The following PDK3 variants were observed in gnomAD, a reference collection of about 807,000 sequenced individuals.
PDK3 encodes pyruvate dehydrogenase kinase 3.
Under a neutral mutation model 32.0 loss-of-function variants are expected in PDK3, and 12 were observed. The observed-to-expected ratio is 0.37, with a 90% CI of 0.24 to 0.61. The LOEUF is 0.61. Ranked by LOEUF, PDK3 falls within the 20% of genes least tolerant of loss-of-function variation. PDK3 has a pLI of 0.65. For synonymous variants in PDK3, 122 were observed against 116.3 expected (o/e 1.05, Z -0.31); for missense variants, 188 against 316.9 (o/e 0.59, Z 3.09).
intron 6 of PDK3, among the ~76,000 whole-genome samples, chrX:24,523,767 A>G (rs11094971): frequency 0.42 from 46,633 of 110,655 alleles, 7,319 homozygotes; most frequent in African/African-American, 0.54. Context: ...TCAGAGGCCC[A>G]TTTACTACCT....
chrX:24,473,491 C>T (rs1218946659), intron 1 of PDK3, among the ~76,000 whole-genome samples: 2 of 110,010 alleles, frequency 1.8e-5, no homozygotes. Context: ...GGCCAGAGTG[C>T]AACGGCTTGG....
intron 9 of PDK3, among the ~76,000 whole-genome samples, chrX:24,529,895 A>C (rs1243242751): frequency 8.9e-6 from 1 of 112,433 alleles, no homozygotes; most frequent in Non-Finnish European, 1.9e-5. Flanking sequence ...CTGTGCCTTT[A>C]CATGTGCATT....
At chrX:24,527,502 C>A (rs758000570) in intron 7 of PDK3, 72 bp from the exon 8 acceptor site, 10 of 627,837 alleles carry the variant, frequency 1.6e-5, no homozygotes, top group Non-Finnish European at 2.4e-6. Flanking sequence ...AGTCATCTTG[C>A]GCTTCTTTCT....
chrX:24,498,437 G>A (rs1230908866), intron 2 of PDK3, among the ~76,000 whole-genome samples: 2 of 111,749 alleles, frequency 1.8e-5, no homozygotes, highest in Non-Finnish European at 3.8e-5. Flanking sequence ...ACACAGCACT[G>A]CACAAAAGCA....
chrX:24,474,486 T>A (rs1316947045), intron 1 of PDK3, among the ~76,000 whole-genome samples: 1 of 109,773 alleles, frequency 9.1e-6, no homozygotes, highest in Admixed American at 9.8e-5. Context: ...CCATCTCGGC[T>A]CACTGCAACC....
chrX:24,517,627 C>G (rs1326016357), intron 5 of PDK3, among the ~76,000 whole-genome samples: 1 of 112,606 alleles, frequency 8.9e-6, no homozygotes, highest in African/African-American at 3.2e-5. Flanking sequence ...GTTTACAGTT[C>G]GAGAGAAAAG....
chrX:24,470,095 A>G (rs1226569297), intron 1 of PDK3, among the ~76,000 whole-genome samples: 1 of 111,913 alleles, frequency 8.9e-6, no homozygotes, highest in East Asian at 2.8e-4. Flanking sequence ...TCCATTTGCT[A>G]TTTGTCTGTA....
exon 12 of PDK3, chrX:24,545,898 G>A (rs1374156525): frequency 8.9e-6 from 1 of 111,970 alleles, no homozygotes; most frequent in Non-Finnish European, 1.9e-5. Context: ...TAGTACGATT[G>A]AGAGATGAGT....
In PDK3 at chrX:24,503,511, A is replaced by G. The variant is rs778417767; in HGVS notation, c.505A>G (p.Thr169Ala). The change falls in exon 4 of 11, where the codon ACA becomes GCA. Residue 169 changes from threonine (T) to alanine (A), a missense_variant and splice_region_variant. Physicochemically the swap from Thr to Ala is moderately conservative, Grantham distance 58. Transcript: ENST00000379162. ...ISFRMLINQH[T>A]LLFGGDTNPV... is the part of the protein sequence containing the mutation. ...TTTCCGCATGCTTATTAATCAGCAC[A>G]GTAAGTTGGAGTTTGTTGGTCCAGT... The G allele has an allele frequency of 1.8e-6, 2 of 1,140,075 alleles. No homozygotes were observed. Among genetic ancestry groups the G allele is most frequent in the East Asian group, 6.3e-5 (2 of 31,537 alleles). The allele number at this position is 1,140,075 out of a possible 1,213,427, so 94.0% of individuals were successfully genotyped here. A position where few individuals can be genotyped will look rare whatever the true frequency, so the allele number is the denominator to read the frequency against.
chrX:24,511,920 C>G (rs1922130511), intron 5 of PDK3, among the ~76,000 whole-genome samples: 1 of 110,595 alleles, frequency 9.0e-6, no homozygotes, highest in African/African-American at 3.3e-5. Flanking sequence ...CCTTAGATCT[C>G]TTGAGACAGA....
intron 5 of PDK3, 74 bp from the exon 6 acceptor site, chrX:24,518,837 GCACACACACACACACACACACA>G (rs3222401): frequency 1.6e-4 from 61 of 373,160 alleles, no homozygotes; most frequent in African/African-American, 1.2e-3. Flanking sequence ...ATGCACATGT[GCACACACACACACACACACACA>G]CACACACACA....
chrX:24,469,009 C>T (rs1920968272), intron 1 of PDK3, among the ~76,000 whole-genome samples: 1 of 111,604 alleles, frequency 9.0e-6, no homozygotes, highest in Non-Finnish European at 1.9e-5. Context: ...GTTTTTTGAG[C>T]TTAATACCTT....
intron 1 of PDK3, among the ~76,000 whole-genome samples, chrX:24,474,341 T>TA (rs1308459248): frequency 2.7e-5 from 3 of 111,521 alleles, no homozygotes; most frequent in African/African-American, 9.8e-5. Flanking sequence ...TCGAGGTTAT[T>TA]AAACATTATG....
At chrX:24,513,380 G>A (rs1307188843) in intron 5 of PDK3, 2 of 112,008 alleles carry the variant, frequency 1.8e-5, no homozygotes, top group Non-Finnish European at 1.9e-5. Context: ...TGGGGTGCGG[G>A]CCAGTGTTGT....
intron 3 of PDK3, among the ~76,000 whole-genome samples, chrX:24,501,444 T>A (rs1921854195): frequency 8.8e-6 from 1 of 113,016 alleles, no homozygotes; most frequent in Admixed American, 9.3e-5. Context: ...CCGGGCATGG[T>A]GGCCGACGCC....
intron 6 of PDK3, among the ~76,000 whole-genome samples, chrX:24,520,377 A>G (rs1922367459): frequency 8.9e-6 from 1 of 111,816 alleles, no homozygotes; most frequent in African/African-American, 3.2e-5. Context: ...AATGCTTTAA[A>G]CGAATAACGT....
chrX:24,543,756 A>G (rs750287885), exon 12 of PDK3, among the ~76,000 whole-genome samples: 177 of 111,419 alleles, frequency 1.6e-3, no homozygotes, highest in African/African-American at 5.5e-3. Context: ...GCCTAGTTTC[A>G]TTTTTTATCT....
chrX:24,519,192 ATGTGTAATGT>A (rs1381095934), intron 6 of PDK3, among the ~76,000 whole-genome samples, 182 bp downstream of exon 6: 4 of 110,428 alleles, frequency 3.6e-5, no homozygotes, highest in African/African-American at 1.3e-4. Flanking sequence ...TTGTACAGGA[ATGTGTAATGT>A]GTTAGACCCC....
At chrX:24,514,334 G>A (rs913513919) in intron 5 of PDK3, among the ~76,000 whole-genome samples, 7 of 111,744 alleles carry the variant, frequency 6.3e-5, no homozygotes, top group African/African-American at 2.3e-4. Context: ...CTGCAGTTTT[G>A]TTAATTACTT....
Sources: allele counts gnomAD v4.1 joint callset (sites outside exome capture counted in the v4.1 genomes callset), GRCh38; gene constraint gnomAD v4.1.1; transcripts MANE v1.5; gene names NCBI Gene and HGNC (gene_info 2026-07-23, HGNC 2026-07-21).